The following GPR141 variants were observed in gnomAD, a reference collection of about 807,000 sequenced individuals.
GPR141 encodes probable G protein-coupled receptor 141.
A neutral mutation model predicts 6.8 loss-of-function variants in GPR141; 6 were observed. The observed-to-expected ratio is 0.88, with a 90% CI of 0.48 to 1.74. The LOEUF (loss-of-function observed/expected upper bound fraction) is 1.74, where lower values mean the gene tolerates loss of function less well. Among genes scored for constraint, GPR141 ranks in the 40% most tolerant of loss-of-function variants. The probability of loss-of-function intolerance (pLI) is 0.01; values close to 1 mark genes in which losing one functional copy is unlikely to be tolerated. For synonymous variants in GPR141, 140 were observed against 142.3 expected, an observed-to-expected ratio of 0.98 and a Z score of 0.11; for missense variants, 372 against 372.9, an observed-to-expected ratio of 1.00 and a Z score of 0.02.
chr7:37,705,824 A>T (rs370565616), intron 2 of GPR141, among the ~76,000 whole-genome samples: 1 of 152,186 alleles, frequency 6.6e-6, no homozygotes, highest in Non-Finnish European at 1.5e-5. Flanking sequence ...AGGCAATTCT[A>T]TAGGGCAGCC....
At chr7:37,717,643 A>G (rs1811110692) in intron 2 of GPR141, among the ~76,000 whole-genome samples, 1 of 152,134 alleles carries the variant, frequency 6.6e-6, no homozygotes, top group Admixed American at 6.6e-5. Context: ...AGCTTCCTGC[A>G]TGAAGCCTTC....
rs1812551921 is a variant in GPR141, at chr7:37,741,284, C to T, written c.891C>T (p.Gly297=). Residue 297 remains glycine, a synonymous_variant, in exon 3 of 3, where the codon GGC becomes GGT. Transcript: ENST00000334425. ...ATTGGTTTAAGCAAAAGATAATTGG[C>T]TTATGGAATTGTGTTTTGTGCCGTT... is the stretch of plus-strand genomic sequence containing the variant. ...GSHWFKQKII[G]LWNCVLCR The T allele has an allele frequency of 6.3e-7, 1 of 1,596,194 alleles. No homozygotes were observed. The highest frequency in any genetic ancestry group is 1.1e-5 in the South Asian group (1 of 88,900).
At chr7:37,706,345 G>C (rs1305371821) in intron 2 of GPR141, among the ~76,000 whole-genome samples, 1 of 152,224 alleles carries the variant, frequency 6.6e-6, no homozygotes, top group Non-Finnish European at 1.5e-5. Flanking sequence ...GTTTGGGATA[G>C]ATGAACTTCC....
chr7:37,732,531 A>G (rs551349974), intron 2 of GPR141, among the ~76,000 whole-genome samples: 2 of 152,284 alleles, frequency 1.3e-5, no homozygotes, highest in Admixed American at 6.5e-5. Flanking sequence ...ACCATAAAAA[A>G]GGAATTTGGA....
In GPR141 at chr7:37,716,183, C is replaced by T. The variant is rs140029010; in HGVS notation, c.-14-24197C>T. 3.7e-3 allele frequency among the ~76,000 whole-genome samples: 565 copies of T among 152,266 alleles called. 3 individuals are homozygous for T. Among genetic ancestry groups the T allele is most frequent in the African/African-American group, 0.013 (546 of 41,548 alleles). ...TTCTTTCAAAGACGCATCTAGAGAG[C>T]ACGCTTGCTAAGAACGGTGGGAGAA... On this transcript the variant is annotated intron_variant, in intron 2 of 2. Coordinates refer to ENST00000334425, the MANE Select transcript of GPR141 (RefSeq NM_001381946.1).
chr7:37,719,467 A>G (rs1269936549), intron 2 of GPR141, among the ~76,000 whole-genome samples: 1 of 152,220 alleles, frequency 6.6e-6, no homozygotes, highest in African/African-American at 2.4e-5. Context: ...TCTTCTAACC[A>G]TTCTAACATG....
At chr7:37,714,784 T>C (rs1291366397) in intron 2 of GPR141, among the ~76,000 whole-genome samples, 1 of 152,242 alleles carries the variant, frequency 6.6e-6, no homozygotes, top group Non-Finnish European at 1.5e-5. Flanking sequence ...CAAGCACTGT[T>C]ACGCCATGGC....
At chr7:37,704,953 C>G (rs1810459457) in intron 2 of GPR141, among the ~76,000 whole-genome samples, 1 of 152,168 alleles carries the variant, frequency 6.6e-6, no homozygotes, top group Non-Finnish European at 1.5e-5. Flanking sequence ...TCAACACTAA[C>G]TGACTCTGCC....
chr7:37,715,861 C>G (rs533460625), intron 2 of GPR141, among the ~76,000 whole-genome samples: 1 of 152,276 alleles, frequency 6.6e-6, no homozygotes, highest in East Asian at 1.9e-4. Context: ...CTACCTAAAA[C>G]AAGAGAATTT....
At chr7:37,691,040 T>C (rs1334708129) in intron 2 of GPR141, among the ~76,000 whole-genome samples, 1 of 152,188 alleles carries the variant, frequency 6.6e-6, no homozygotes, top group African/African-American at 2.4e-5. Context: ...TCTTTCTGAA[T>C]TGATCCTTTT....
intron 2 of GPR141, among the ~76,000 whole-genome samples, chr7:37,739,812 CTG>C (rs1284923724): frequency 6.6e-6 from 1 of 152,138 alleles, no homozygotes; most frequent in Non-Finnish European, 1.5e-5. Flanking sequence ...GATAAAATAA[CTG>C]TAATGAGAAA....
At position 37,691,388 on chromosome 7, in the gene GPR141, G is replaced by A. The variant is rs116236570; in HGVS notation, c.-15+5805G>A. ...TGGCTCACTGCAACCTCTGCCTCCCGGGTTCAAGTCAGTCTATATCTTTTA... is the reference window on the plus strand; with the variant it reads ...TGGCTCACTGCAACCTCTGCCTCCCAGGTTCAAGTCAGTCTATATCTTTTA... On this transcript the variant is annotated intron_variant, in intron 2 of 2. Coordinates refer to ENST00000334425, the MANE Select transcript of GPR141 (RefSeq NM_001381946.1). Among the ~76,000 whole-genome samples, 1,192 of 148,122 alleles carry A rather than the reference G, an allele frequency of 8.0e-3. 13 individuals are homozygous for A. Among genetic ancestry groups the A allele is most frequent in the African/African-American group, 0.028 (1,104 of 39,944 alleles).
At chr7:37,734,460 C>G (rs554587890) in intron 2 of GPR141, among the ~76,000 whole-genome samples, 12 of 152,290 alleles carry the variant, frequency 7.9e-5, no homozygotes, top group African/African-American at 2.6e-4. Context: ...TATGTGTTGG[C>G]TATTGCTATG....
chr7:37,704,402 C>T (rs2131767233), intron 2 of GPR141, among the ~76,000 whole-genome samples: 1 of 152,210 alleles, frequency 6.6e-6, no homozygotes, highest in Middle Eastern at 3.4e-3. Context: ...GACTTACAAT[C>T]GTGGCAGAAG....
At chr7:37,691,473 T>A (rs1482755050) in intron 2 of GPR141, among the ~76,000 whole-genome samples, 1 of 152,124 alleles carries the variant, frequency 6.6e-6, no homozygotes, top group Non-Finnish European at 1.5e-5. Context: ...GACTTACTCC[T>A]GTTATTTTGT....
intron 2 of GPR141, among the ~76,000 whole-genome samples, chr7:37,739,023 G>A (rs556598188): frequency 6.6e-6 from 1 of 152,126 alleles, no homozygotes; most frequent in African/African-American, 2.4e-5. Flanking sequence ...TATGTACTGT[G>A]TATACACCTG....
intron 2 of GPR141, among the ~76,000 whole-genome samples, chr7:37,690,876 C>T (rs967635832): frequency 1.3e-5 from 2 of 151,778 alleles, no homozygotes; most frequent in African/African-American, 2.4e-5. Context: ...TGTTTATTTT[C>T]GCTCTATATC....
Position 37,743,234 on chromosome 7 carries a change from G to C in GPR141, c.*1923G>C, listed in dbSNP as rs111631696. ...AAGTTTTTCATAATTTATTATCACT[G>C]TGGATCCACAAATTCCTCAGATGAA... On this transcript the variant is annotated 3_prime_UTR_variant, in exon 3 of 3. Coordinates refer to ENST00000334425, the MANE Select transcript of GPR141 (RefSeq NM_001381946.1). 7.4e-6 allele frequency among the ~76,000 whole-genome samples: 1 copy of C among 134,520 alleles called. No homozygotes were observed. The highest frequency in any genetic ancestry group is 2.8e-5 in the African/African-American group (1 of 36,338). The allele number at this position is 134,520 out of a possible 152,430, so 88.3% of individuals were successfully genotyped here.
Position 37,722,972 on chromosome 7 carries a change from TTCCTTCC to T in GPR141, c.-14-17406_-14-17400del, listed in dbSNP as rs1811419690. Among the ~76,000 whole-genome samples the T allele has an allele frequency of 4.8e-5, 7 of 146,634 alleles. No individual in the cohort carries two copies. In the East Asian group the frequency reaches 6.0e-4, roughly 13 times the overall value. On this transcript the variant is annotated intron_variant, in intron 2 of 2. Coordinates refer to ENST00000334425, the MANE Select transcript of GPR141 (RefSeq NM_001381946.1). ...CTTCCTTCCTTCCTTCCTTCCTTCC[TTCCTTCC>T]TTCTTTCTTTCTTTCTTTTTTTTTT...
Sources: gnomAD v4.1 joint callset for allele counts (sites outside exome capture counted in the v4.1 genomes callset) on GRCh38, gnomAD v4.1.1 for gene constraint, MANE v1.5 for transcripts, NCBI Gene and HGNC (gene_info 2026-07-23, HGNC 2026-07-21) for gene names.